Variants in ZNF532 observed in about 807,000 individuals in gnomAD.
ZNF532 encodes zinc finger protein 532.
A neutral mutation model predicts 89.3 loss-of-function variants in ZNF532; 22 were observed. The ratio of observed to expected loss-of-function variants is 0.25; its 90% CI spans 0.18 to 0.35. ZNF532 has a LOEUF of 0.35. Ranked by LOEUF, ZNF532 falls within the 10% of genes least tolerant of loss-of-function variation. The probability of loss-of-function intolerance (pLI) is 1.00; values close to 1 mark genes in which losing one functional copy is unlikely to be tolerated. For missense variants in ZNF532, 1,132 were observed against 1,643.4 expected, an observed-to-expected ratio of 0.69 and a Z score of 5.38; for synonymous variants, 606 against 649.6, an observed-to-expected ratio of 0.93 and a Z score of 1.02.
rs535730503 is a variant in ZNF532 at position 58,962,822 on chromosome 18, C to T, written c.3150+9023C>T. On this transcript the variant is annotated intron_variant, in intron 7 of 9. Coordinates refer to ENST00000591808, the MANE Select transcript of ZNF532 (RefSeq NM_001375912.1). ...TTCACCATGTTAGCCAGGATGGTCT[C>T]GATCTTCTGACCTCGTGATCTGCCC... Among the ~76,000 whole-genome samples, 19 of 152,160 alleles carry T rather than the reference C, an allele frequency of 1.2e-4. No individual in the cohort carries two copies. In the South Asian group the frequency reaches 3.9e-3, roughly 32 times the overall value.
At chr18:58,953,911 C>T in intron 7 of ZNF532, 112 bp downstream of exon 7, 1 of 1,468,398 alleles carries the variant, frequency 6.8e-7, no homozygotes, top group South Asian at 1.5e-5. Context: ...GTGCTGTGAC[C>T]TTAAAAATCA....
Position 58,948,162 on chromosome 18 carries a change from C to G in ZNF532, c.2801C>G (p.Ser934Cys). Residue 934 changes from serine to cysteine, a missense_variant, in exon 6 of 10, where the codon TCT becomes TGT. Transcript: ENST00000591808. ...FDQHIENQKV[S>C]VFKCPDCSLL... ...CAACACATTGAAAACCAGAAGGTGTCTGTTTTCAAGTGTCCAGACTGTTCT... is the reference window on the plus strand; with the variant it reads ...CAACACATTGAAAACCAGAAGGTGTGTGTTTTCAAGTGTCCAGACTGTTCT... The G allele has an allele frequency of 6.2e-7, 1 of 1,614,038 alleles. No individual in the cohort carries two copies. Among genetic ancestry groups the G allele is most frequent in the Non-Finnish European group, 8.5e-7 (1 of 1,179,900 alleles).
intron 2 of ZNF532, among the ~76,000 whole-genome samples, chr18:58,902,544 G>A (rs1394292376): frequency 1.3e-5 from 2 of 150,956 alleles, no homozygotes; most frequent in African/African-American, 2.4e-5. Context: ...CCAGGCTGGA[G>A]TGCAATGGTG....
At chr18:58,873,020 T>C (rs900157555) in intron 2 of ZNF532, among the ~76,000 whole-genome samples, 1 of 152,100 alleles carries the variant, frequency 6.6e-6, no homozygotes, top group African/African-American at 2.4e-5. Context: ...TATGTTTTAT[T>C]TTTTTGAGGC....
At chr18:58,908,455 C>T (rs1198867311) in intron 2 of ZNF532, among the ~76,000 whole-genome samples, 2 of 151,908 alleles carry the variant, frequency 1.3e-5, no homozygotes, top group East Asian at 1.9e-4. Context: ...AAGAAATAAA[C>T]AGGAAATTCA....
In ZNF532 at chr18:58,918,827, A is replaced by C; in HGVS notation, c.540A>C (p.Gly180=). 6.2e-7 allele frequency: 1 copy of C among 1,614,172 alleles called. No homozygotes were observed. Among genetic ancestry groups the C allele is most frequent in the Non-Finnish European group, 8.5e-7 (1 of 1,180,034 alleles). Reference sequence around the variant, plus strand: ...ACTACGATAAGCTGAAGGCACTCGGAGGGGAAAACTCCAGCAAAACTGGAC... The same window carrying C: ...ACTACGATAAGCTGAAGGCACTCGGCGGGGAAAACTCCAGCAAAACTGGAC... The part of the protein sequence containing the change: ...QQDYDKLKAL[G]GENSSKTGLS... Residue 180 remains glycine (G), a synonymous_variant, in exon 3 of 10, where the codon GGA becomes GGC. Transcript: ENST00000591808.
At chr18:58,933,694 A>C (rs1050310807) in intron 3 of ZNF532, among the ~76,000 whole-genome samples, 2 of 152,198 alleles carry the variant, frequency 1.3e-5, no homozygotes, top group African/African-American at 4.8e-5. Context: ...ATATCTTAAG[A>C]GGATGAAAAA....
In ZNF532 at chr18:58,942,061, C is replaced by T. The variant is rs56052401; in HGVS notation, c.2705+2440C>T. Reference sequence around the variant, plus strand: ...CGCCCCCCCCTCAGTCTCGCTGTGTCGCCCAGGCTGGAGTGCAGTGGCACG... The same window carrying T: ...CGCCCCCCCCTCAGTCTCGCTGTGTTGCCCAGGCTGGAGTGCAGTGGCACG... On this transcript the variant is annotated intron_variant, in intron 5 of 9. Transcript: ENST00000591808. Among the ~76,000 whole-genome samples, 185 of 140,658 alleles carry T rather than the reference C, an allele frequency of 1.3e-3. 1 individual carries two copies. Among genetic ancestry groups the T allele is most frequent in the African/African-American group, 3.8e-3 (145 of 37,824 alleles). 92.3% of individuals were successfully genotyped at this position (140,658 alleles called of 152,430 possible). A position where few individuals can be genotyped will look rare whatever the true frequency, so the allele number is the denominator to read the frequency against.
In ZNF532 at chr18:58,889,714, G is replaced by A. The variant is rs951642662; in HGVS notation, c.-18+24135G>A. Among the ~76,000 whole-genome samples, 9 of 151,880 alleles carry A rather than the reference G, an allele frequency of 5.9e-5. No homozygotes were observed. In the South Asian group the frequency reaches 1.0e-3, roughly 18 times the overall value. On this transcript the variant is annotated intron_variant, in intron 2 of 9. Transcript: ENST00000591808. ...CTTGAACCCAGGGGGTGGAGGTTGCGGTGAGCCGAGGTCACGCCACTGCAC... is the reference window on the plus strand; with the variant it reads ...CTTGAACCCAGGGGGTGGAGGTTGCAGTGAGCCGAGGTCACGCCACTGCAC...
Position 58,920,354 on chromosome 18 carries a change from A to G in ZNF532, c.2067A>G (p.Gln689=). 1 of 1,613,976 alleles carries G rather than the reference A, an allele frequency of 6.2e-7. No homozygotes were observed. The highest frequency in any genetic ancestry group is 8.5e-7 in the Non-Finnish European group (1 of 1,179,866). ...HLILKPVPAD[Q]MIVSPSSNTS... is the part of the protein sequence containing the mutation. ...TTTTAAAGCCAGTCCCAGCAGATCAAATGATAGTTTCTCCGTCAAGCAATA... is the reference window on the plus strand; with the variant it reads ...TTTTAAAGCCAGTCCCAGCAGATCAGATGATAGTTTCTCCGTCAAGCAATA... The change falls in exon 3 of 10, where the codon CAA becomes CAG. Residue 689 remains glutamine, a synonymous_variant. Transcript: ENST00000591808.
intron 3 of ZNF532, among the ~76,000 whole-genome samples, chr18:58,923,660 T>C (rs1229824068): frequency 6.6e-6 from 1 of 152,170 alleles, no homozygotes; most frequent in Non-Finnish European, 1.5e-5. Context: ...TTCATCCTTC[T>C]CGTTTGCCAG....
In ZNF532 at chr18:58,984,324, A is replaced by G. The variant is rs1228187167; in HGVS notation, c.3764A>G (p.Glu1255Gly). 1 of 1,611,994 alleles carries G rather than the reference A, an allele frequency of 6.2e-7. No individual in the cohort carries two copies. Among genetic ancestry groups the G allele is most frequent in the Non-Finnish European group, 8.5e-7 (1 of 1,179,862 alleles). The change falls in exon 10 of 10, where the codon GAA becomes GGA. Residue 1255 changes from glutamate to glycine, a missense_variant. Physicochemically the swap from Glu to Gly is moderately conservative, Grantham distance 98. Around this residue, in one of 9 missense-constraint regions of ZNF532, gnomAD observed 415 missense variants for 604.8 expected, o/e 0.69. Transcript: ENST00000591808. ...QQENKPSHED[E>G]SPDGAVSDRK... ...GAGAACAAACCCAGCCACGAGGATGAATCCCCTGATGGCGCCGTGTCAGAC... is the reference window on the plus strand; with the variant it reads ...GAGAACAAACCCAGCCACGAGGATGGATCCCCTGATGGCGCCGTGTCAGAC...
chr18:58,920,626 G>A lies in ZNF532; in HGVS notation c.2339G>A (p.Ser780Asn). 1.3e-6 allele frequency: 2 copies of A among 1,583,368 alleles called. No individual in the cohort carries two copies. The highest frequency in any genetic ancestry group is 4.5e-5 in the East Asian group (2 of 44,474). ...ATHFQQAADT[S>N]GQKTCTICQM... ...CATTTCCAGCAGGCTGCAGATACGA[G>A]TGGACAAGTAGAGTATCATTTAAAT... The change falls in exon 3 of 10, where the codon AGT becomes AAT. Residue 780 changes from serine (S) to asparagine (N), a missense_variant. By Grantham distance (46) the Ser-to-Asn change is conservative. Around this residue, in one of 9 missense-constraint regions of ZNF532, gnomAD observed 100 missense variants for 122.0 expected, o/e 0.82. Coordinates refer to ENST00000591808, the MANE Select transcript of ZNF532 (RefSeq NM_001375912.1).
rs77052856 is a variant in ZNF532 at position 58,924,154 on chromosome 18, G to A, written c.2346+3521G>A. On this transcript the variant is annotated intron_variant, in intron 3 of 9. Transcript: ENST00000591808. ...TTATAGGTGTGATCCACCCCCGCCC[G>A]GCTAGCATTCCATGTATTTTAACAC... is the stretch of plus-strand genomic sequence containing the variant. 4.9e-3 allele frequency among the ~76,000 whole-genome samples: 739 copies of A among 152,304 alleles called. 6 individuals carry two copies. Among genetic ancestry groups the A allele is most frequent in the African/African-American group, 0.017 (711 of 41,570 alleles).
chr18:58,930,809 A>G (rs1017793622), intron 3 of ZNF532, among the ~76,000 whole-genome samples: 1 of 152,154 alleles, frequency 6.6e-6, no homozygotes, highest in South Asian at 2.1e-4. Context: ...AAGATTACTT[A>G]TAATACCTAA....
rs1179897100 is a variant in ZNF532, at chr18:58,986,397, A to C, written c.*1931A>C. On this transcript the variant is annotated 3_prime_UTR_variant, in exon 10 of 10. Transcript: ENST00000591808. ...TAGAACCCAAATATTTTGCTCTCTA[A>C]ATCTAATGCTCGCTCTATGTGGTTA... is the stretch of plus-strand genomic sequence containing the variant. The C allele has an allele frequency of 6.6e-6, 1 of 152,628 alleles. No individual in the cohort carries two copies. The highest frequency in any genetic ancestry group is 2.4e-5 in the African/African-American group (1 of 41,444). 9.5% of individuals were successfully genotyped at this position (152,628 alleles called of 1,614,324 possible).
chr18:58,868,167 A>T (rs2056648152), intron 2 of ZNF532, among the ~76,000 whole-genome samples: 1 of 152,222 alleles, frequency 6.6e-6, no homozygotes, highest in Non-Finnish European at 1.5e-5. Context: ...GAGGTTGCCA[A>T]CACAAGGGAA....
At chr18:58,982,896 G>A (rs887299359) in intron 9 of ZNF532, among the ~76,000 whole-genome samples, 2 of 152,076 alleles carry the variant, frequency 1.3e-5, no homozygotes, top group East Asian at 1.9e-4. Context: ...AGGCAGTCAC[G>A]AGGTCAGGAG....
chr18:58,884,374 C>G (rs1333164938), intron 2 of ZNF532, among the ~76,000 whole-genome samples: 1 of 152,220 alleles, frequency 6.6e-6, no homozygotes, highest in Non-Finnish European at 1.5e-5. Flanking sequence ...AAGTGAGACT[C>G]CGTCTCAAAA....
Sources: allele counts gnomAD v4.1 joint callset (sites outside exome capture counted in the v4.1 genomes callset), GRCh38; gene constraint gnomAD v4.1.1; regional missense constraint gnomAD v4.1.1; transcripts MANE v1.5; gene names NCBI Gene and HGNC (gene_info 2026-07-23, HGNC 2026-07-21).